Variants in FCHSD1 observed in about 807,000 individuals in gnomAD.
The protein encoded by FCHSD1 is F-BAR and double SH3 domains protein 1.
FCHSD1 carries 109 observed loss-of-function variants against 101.3 expected under a neutral mutation model. That is an observed-to-expected ratio of 1.08 (90% CI 0.92 to 1.26). The LOEUF is 1.26. Ranked by LOEUF, FCHSD1 falls within the 50% of genes most tolerant of loss-of-function variation. The probability of loss-of-function intolerance (pLI) is 0.00; values close to 1 mark genes in which losing one functional copy is unlikely to be tolerated. For synonymous variants in FCHSD1, 291 were observed against 356.8 expected (o/e 0.82, Z 2.08); for missense variants, 820 against 895.8 (o/e 0.92, Z 1.08).
At chr5:141,650,486 G>A in intron 2 of FCHSD1, 82 bp from the exon 3 acceptor site, 1 of 1,578,594 alleles carries the variant, frequency 6.3e-7, no homozygotes, top group Non-Finnish European at 8.7e-7. Flanking sequence ...CCTCTACTCT[G>A]GGCAGGAGGG....
At position 141,640,503 on chromosome 5, in the gene FCHSD1, T is replaced by C; in HGVS notation, c.*995A>G. On this transcript the variant is annotated 3_prime_UTR_variant, in exon 20 of 20. Transcript: ENST00000435817. ...TCATCTTCCCATCACCTACTTAAACTATTTAAGCCTTTCGGCTCCCTGAAC... is the reference window on the plus strand; with the variant it reads ...TCATCTTCCCATCACCTACTTAAACCATTTAAGCCTTTCGGCTCCCTGAAC... 1 of 1,613,756 alleles carries C rather than the reference T, an allele frequency of 6.2e-7. No individual in the cohort carries two copies. The highest frequency in any genetic ancestry group is 8.5e-7 in the Non-Finnish European group (1 of 1,179,822).
Position 141,645,791 on chromosome 5 carries a change from G to A in FCHSD1, c.1291C>T (p.Gln431Ter). 3.7e-6 allele frequency: 6 copies of A among 1,611,460 alleles called. No homozygotes were observed. Among genetic ancestry groups the A allele is most frequent in the Non-Finnish European group, 5.1e-6 (6 of 1,178,976 alleles). ...ERRLSEARLS[Q>*]RDLSPTAEDA... Reference sequence around the variant, plus strand: ...CTCACGGTTGGAGAGAGGTCCCTCTGGGACAGCCGAGCCTCACTGAGCCGC... The same window carrying A: ...CTCACGGTTGGAGAGAGGTCCCTCTAGGACAGCCGAGCCTCACTGAGCCGC... Residue 431 changes from glutamine to a stop codon, truncating the protein, a stop_gained, in exon 13 of 20, where the codon CAG (glutamine) becomes TAG (stop). Coordinates refer to ENST00000435817, the MANE Select transcript of FCHSD1 (RefSeq NM_033449.3). LOFTEE classifies it high-confidence loss of function.
chr5:141,642,759 CT>C, intron 18 of FCHSD1: 1 of 551,062 alleles, frequency 1.8e-6, no homozygotes, highest in East Asian at 3.2e-5. Flanking sequence ...AAGCTAGTAC[CT>C]TTTCCTTACC....
chr5:141,649,577 C>T lies in FCHSD1; in HGVS notation c.234-41G>A. ...CTGTGTTGAGGAGGAGAGCACTCCA[C>T]AGCTTCATGAGACCACCCCCACCCC... On this transcript the variant is annotated intron_variant, in intron 4 of 19. Transcript: ENST00000435817. This position sits in a 1 kb window ranked among gnomAD's most constrained non-coding sequence, Gnocchi z 4.1. 6.3e-7 allele frequency: 1 copy of T among 1,588,186 alleles called. No homozygotes were observed.
chr5:141,651,264 C>G (rs1042607658), intron 1 of FCHSD1, 84 bp downstream of exon 1: 2 of 1,545,550 alleles, frequency 1.3e-6, no homozygotes, highest in Non-Finnish European at 1.8e-6. Context: ...TCCGACTTCC[C>G]GTCTCCTACC....
In FCHSD1 at chr5:141,646,655, C is replaced by T. The variant is rs745630631; in HGVS notation, c.992G>A (p.Arg331His). The T allele has an allele frequency of 1.6e-5, 26 of 1,612,900 alleles. No individual in the cohort carries two copies. Among genetic ancestry groups the T allele is most frequent in the East Asian group, 4.5e-5 (2 of 44,874 alleles). The change falls in exon 11 of 20, where the codon CGC (arginine) becomes CAC (histidine). Residue 331 changes from arginine to histidine, a missense_variant. Arg to His is a conservative substitution (Grantham distance 29, BLOSUM62 0). Transcript: ENST00000435817. ...GTCACGGGCAGCTCGGCTGGTCAAG[C>T]GCTGAACCTCTTTCTCCAGGCCACT... ...GKSGLEKEVQRLTSRAARDYK... is the reference protein window; with the variant it reads ...GKSGLEKEVQHLTSRAARDYK...
chr5:141,648,883 C>T (rs1475030545), intron 7 of FCHSD1, 74 bp downstream of exon 7: 1 of 1,539,204 alleles, frequency 6.5e-7, no homozygotes. Context: ...CATACATATG[C>T]ACCTATGTTC....
chr5:141,650,284 TAGG>T (rs1241671504), intron 3 of FCHSD1, 72 bp downstream of exon 3: 1 of 1,581,986 alleles, frequency 6.3e-7, no homozygotes, highest in African/African-American at 1.3e-5. Context: ...ACAATAGGGA[TAGG>T]TATGGACAGA....
rs1325030350 is a variant in FCHSD1 at position 141,644,387 on chromosome 5, A to C, written c.1694T>G (p.Leu565Arg). 1 of 1,613,946 alleles carries C rather than the reference A, an allele frequency of 6.2e-7. No homozygotes were observed. Among genetic ancestry groups the C allele is most frequent in the South Asian group, 1.1e-5 (1 of 91,072 alleles). Residue 565 changes from leucine to arginine, a missense_variant, in exon 17 of 20, where the codon CTG becomes CGG. Physicochemically the swap from Leu to Arg is moderately radical, Grantham distance 102. Coordinates refer to ENST00000435817, the MANE Select transcript of FCHSD1 (RefSeq NM_033449.3). ...GATGAGTGCCCCCTCAGGGAAGCTC[A>C]GCTCCTCTGCACTCTGTCCGGTGTA... ...YSYTGQSAEE[L>R]SFPEGALIRL...
rs753624568 is a variant in FCHSD1 at position 141,640,776 on chromosome 5, A to C, written c.*722T>G. On this transcript the variant is annotated 3_prime_UTR_variant, in exon 20 of 20. Coordinates refer to ENST00000435817, the MANE Select transcript of FCHSD1 (RefSeq NM_033449.3). ...AGCACTGCCCCCCAGCTGAGGGACC[A>C]GCTCTACTTCCACCTGGAGTTGCAC... The C allele has an allele frequency of 2.6e-5, 29 of 1,098,160 alleles. No individual in the cohort carries two copies. The highest frequency in any genetic ancestry group is 3.6e-5 in the Non-Finnish European group (28 of 777,920). 68.0% of individuals were successfully genotyped at this position (1,098,160 alleles called of 1,614,324 possible).
chr5:141,644,442 CA>C lies in FCHSD1; in HGVS notation c.1643-5del, dbSNP rs1187687980. On this transcript the variant is annotated splice_region_variant and splice_polypyrimidine_tract_variant and intron_variant, in intron 16 of 19. Coordinates refer to ENST00000435817, the MANE Select transcript of FCHSD1 (RefSeq NM_033449.3). ...TACAGGGCCTGTGCCAGGAATGCTA[CA>C]GAGGCCCAGGAGAGACGGTGAGAGG... The C allele has an allele frequency of 3.1e-6, 5 of 1,613,402 alleles. No homozygotes were observed. In the South Asian group the frequency reaches 5.5e-5, roughly 18 times the overall value.
At chr5:141,644,834 T>C (rs1485975430) in intron 15 of FCHSD1, 25 bp downstream of exon 15, 1 of 1,611,066 alleles carries the variant, frequency 6.2e-7, no homozygotes, top group Non-Finnish European at 8.5e-7. Flanking sequence ...CAACCCAAGG[T>C]CAGAGCCCGG....
chr5:141,639,596 G>T lies in FCHSD1; in HGVS notation c.*1902C>A, dbSNP rs201219952. ...CACTTGTCCGTCAGGGACGCTCCAA[G>T]GAAGGAAAAAGCCGCCCCCGGACAG... On this transcript the variant is annotated 3_prime_UTR_variant, in exon 20 of 20. Coordinates refer to ENST00000435817, the MANE Select transcript of FCHSD1 (RefSeq NM_033449.3). This position sits in a 1 kb window ranked among gnomAD's most constrained non-coding sequence, Gnocchi z 4.4. 1.3e-4 allele frequency: 204 copies of T among 1,613,762 alleles called. No homozygotes were observed. The highest frequency in any genetic ancestry group is 1.6e-4 in the Non-Finnish European group (189 of 1,179,992).
Position 141,649,300 on chromosome 5 carries a change from C to T in FCHSD1, c.384G>A (p.Glu128=). Residue 128 remains glutamate (E), a synonymous_variant, in exon 6 of 20, where the codon GAG becomes GAA. Transcript: ENST00000435817. This position sits in a 1 kb window ranked among gnomAD's most constrained non-coding sequence, Gnocchi z 4.1. ...CCTCAGCCTGCGCCCTCTGGAGGTT[C>T]TCTGTTCCCTATTGGGATGCATACA... ...AKEQVLRKGT[E]NLQRAQAEVL... 6.2e-7 allele frequency: 1 copy of T among 1,614,020 alleles called. No homozygotes were observed. Among genetic ancestry groups the T allele is most frequent in the Non-Finnish European group, 8.5e-7 (1 of 1,179,892 alleles).
chr5:141,641,893 C>A, intron 18 of FCHSD1, 136 bp from the exon 19 acceptor site: 1 of 878,322 alleles, frequency 1.1e-6, no homozygotes, highest in South Asian at 1.5e-5. Flanking sequence ...ATCCATCACT[C>A]TATCCACTGT....
chr5:141,645,172 C>G, intron 13 of FCHSD1, 24 bp from the exon 14 acceptor site: 3 of 1,520,220 alleles, frequency 2.0e-6, no homozygotes, highest in Non-Finnish European at 2.6e-6. Flanking sequence ...GAACAGACCT[C>G]ATATGGGGCC....
At chr5:141,648,592 C>T (rs1163586136) in intron 7 of FCHSD1, among the ~76,000 whole-genome samples, 2 of 152,148 alleles carry the variant, frequency 1.3e-5, no homozygotes, top group African/African-American at 4.8e-5. Flanking sequence ...TATCATAGTA[C>T]CTTGTTTTAT....
intron 17 of FCHSD1, among the ~76,000 whole-genome samples, chr5:141,643,863 G>A (rs374073): frequency 0.23 from 34,431 of 148,688 alleles, 4,451 homozygotes; most frequent in African/African-American, 0.32. Context: ...AAAAAAAAAA[G>A]AAGAAGGCTT....
chr5:141,649,217 C>A lies in FCHSD1; in HGVS notation c.467G>T (p.Arg156Leu). The change falls in exon 6 of 20, where the codon CGT becomes CTT. Residue 156 changes from arginine (R) to leucine (L), a missense_variant. Coordinates refer to ENST00000435817, the MANE Select transcript of FCHSD1 (RefSeq NM_033449.3). This position sits in a 1 kb window ranked among gnomAD's most constrained non-coding sequence, Gnocchi z 4.1. ...CTTCTCCTGTGCCAAGGCCCACACA[C>A]GTTCCCGCTGCCCATACAGCTTCCG... ...RSRKLYGQRE[R>L]VWALAQEKAA... 1 of 1,614,022 alleles carries A rather than the reference C, an allele frequency of 6.2e-7. No homozygotes were observed. The highest frequency in any genetic ancestry group is 8.5e-7 in the Non-Finnish European group (1 of 1,179,892).
Sources: gnomAD v4.1 joint callset for allele counts (sites outside exome capture counted in the v4.1 genomes callset) on GRCh38, gnomAD v4.1.1 for gene constraint, Gnocchi (gnomAD v3.1) non-coding constraint, MANE v1.5 for transcripts, NCBI Gene and HGNC (gene_info 2026-07-23, HGNC 2026-07-21) for gene names.